USP42: variants seen among roughly 807,000 people sequenced by gnomAD.
USP42 encodes the protein ubiquitin carboxyl-terminal hydrolase 42.
Under a neutral mutation model 113.0 loss-of-function variants are expected in USP42, and 23 were observed. The observed-to-expected ratio is 0.20, with a 90% CI of 0.15 to 0.29. The LOEUF (loss-of-function observed/expected upper bound fraction) is 0.29, where lower values mean the gene tolerates loss of function less well. USP42 is among the 10% of genes least tolerant of loss of function. The pLI is 1.00. For synonymous variants in USP42, 933 were observed against 699.0 expected (o/e 1.33, Z -5.28); for missense variants, 2,174 against 1,779.8 (o/e 1.22, Z -3.99).
At chr7:6,102,983 G>A (rs1790174322), upstream of USP42, among the ~76,000 whole-genome samples, 1 of 150,978 alleles carries the variant, frequency 6.6e-6, no homozygotes, top group Non-Finnish European at 1.5e-5. Flanking sequence ...CCGCTGGGGA[G>A]GCCAGGTAAA....
At chr7:6,115,954 T>G (rs1779887904) in intron 3 of USP42, among the ~76,000 whole-genome samples, 2 of 151,776 alleles carry the variant, frequency 1.3e-5, no homozygotes, top group South Asian at 4.2e-4. Flanking sequence ...AAAATAAAAA[T>G]TAGTCTAGCA....
Position 6,158,392 on chromosome 7 carries a change from G to T in USP42, c.3944-1058G>T, listed in dbSNP as rs749056836. On this transcript the variant is annotated intron_variant, in intron 16 of 17. Transcript: ENST00000306177. This position sits in a 1 kb window ranked among gnomAD's most constrained non-coding sequence, Gnocchi z 4.2. ...GTGAAGCGCATCCCCTCCTCCCAGG[G>T]GCTTTTGACGAATCTTCAGGGCTGC... Among the ~76,000 whole-genome samples the T allele has an allele frequency of 2.4e-4, 37 of 152,348 alleles. No individual in the cohort carries two copies. Among genetic ancestry groups the T allele is most frequent in the Non-Finnish European group, 4.7e-4 (32 of 68,032 alleles).
At position 6,119,936 on chromosome 7, in the gene USP42, A is replaced by C. The variant is rs559995902; in HGVS notation, c.442+4413A>C. ...AGGCTGGTCTTGAACTCCTACGCTT[A>C]AGCGGTTCTCTTGCCTCAGCCTTTT... is the stretch of plus-strand genomic sequence containing the variant. On this transcript the variant is annotated intron_variant, in intron 3 of 17. Transcript: ENST00000306177. Among the ~76,000 whole-genome samples the C allele has an allele frequency of 2.6e-5, 4 of 152,244 alleles. No homozygotes were observed. The South Asian group carries it at 8.3e-4, about 32-fold the overall frequency.
At chr7:6,104,418 G>A (rs1325461600), upstream of USP42, among the ~76,000 whole-genome samples, 1 of 152,220 alleles carries the variant, frequency 6.6e-6, no homozygotes, top group East Asian at 1.9e-4. Flanking sequence ...TAAAGGCTGC[G>A]TCCGCTAGGC....
the USP42 span, among the ~76,000 whole-genome samples, chr7:6,096,882 C>G: frequency 6.6e-6 from 1 of 150,944 alleles, no homozygotes; most frequent in Non-Finnish European, 1.5e-5. Context: ...GCACTGCTAC[C>G]CAGTCTCTGA....
the USP42 span, among the ~76,000 whole-genome samples, chr7:6,097,837 G>C: frequency 2.0e-5 from 3 of 148,636 alleles, no homozygotes; most frequent in Non-Finnish European, 4.4e-5. Context: ...TGATCCGCCC[G>C]CCTCGGCCTC....
chr7:6,092,875 A>G, the USP42 span, among the ~76,000 whole-genome samples: 1 of 151,124 alleles, frequency 6.6e-6, no homozygotes, highest in Admixed American at 6.6e-5. Context: ...GTGTGCAGGG[A>G]AGTGGTGTTA....
chr7:6,091,978 T>TTTCTTCTTCTTCTTCTTCTTCTTCTTC, the USP42 span, among the ~76,000 whole-genome samples: 1 of 67,866 alleles, frequency 1.5e-5, no homozygotes, highest in Admixed American at 1.6e-4. Context: ...GGACGTATTT[T>TTTCTTCTTCTTCTTCTTCTTCTTCTTC]TTCTTCTTCT....
At chr7:6,145,342 A>G (rs1583659976) in intron 9 of USP42, among the ~76,000 whole-genome samples, 174 bp from the exon 10 acceptor site, 1 of 152,038 alleles carries the variant, frequency 6.6e-6, no homozygotes, top group African/African-American at 2.4e-5. Flanking sequence ...AAAAAAAAAA[A>G]AAGATGGCTA....
the USP42 span, among the ~76,000 whole-genome samples, chr7:6,087,002 A>G: frequency 6.7e-6 from 1 of 149,030 alleles, no homozygotes; most frequent in Non-Finnish European, 1.5e-5. Flanking sequence ...AGCTGGGATT[A>G]CAGATGTGAG....
At chr7:6,102,252 T>C (rs1790149628), upstream of USP42, among the ~76,000 whole-genome samples, 1 of 149,138 alleles carries the variant, frequency 6.7e-6, no homozygotes, top group African/African-American at 2.5e-5. Flanking sequence ...GTAGCTGGGA[T>C]TACAGGTGCC....
At chr7:6,096,698 C>T in the USP42 span, among the ~76,000 whole-genome samples, 1 of 151,164 alleles carries the variant, frequency 6.6e-6, no homozygotes, top group Admixed American at 6.6e-5. Context: ...TTCCTATAAT[C>T]CCTGGAGATC....
chr7:6,133,127 T>G (rs1380480728), intron 3 of USP42, among the ~76,000 whole-genome samples: 1 of 152,238 alleles, frequency 6.6e-6, no homozygotes, highest in African/African-American at 2.4e-5. Context: ...CAACTTTCAG[T>G]GACTTTTGAA....
Position 6,157,094 on chromosome 7 carries a change from T to C in USP42, c.3943+39T>C. Reference sequence around the variant, plus strand: ...CTTGGAATTAGGAAGATAGAAACTATTTCTTAATACATTTTCTTTGCAAAG... The same window carrying C: ...CTTGGAATTAGGAAGATAGAAACTACTTCTTAATACATTTTCTTTGCAAAG... On this transcript the variant is annotated intron_variant, in intron 16 of 17. Transcript: ENST00000306177. This position sits in a 1 kb window ranked among gnomAD's most constrained non-coding sequence, Gnocchi z 4.1. The C allele has an allele frequency of 2.6e-6, 4 of 1,519,478 alleles. No individual in the cohort carries two copies. The highest frequency in any genetic ancestry group is 3.5e-6 in the Non-Finnish European group (4 of 1,138,804). The allele number at this position is 1,519,478 out of a possible 1,614,324, so 94.1% of individuals were successfully genotyped here.
rs752157155 is a variant in USP42 at position 6,154,100 on chromosome 7, C to T, written c.2546C>T (p.Ala849Val). ...IAEGPRDSALAEAPEGLSPAP... is the reference protein window; with the variant it reads ...IAEGPRDSALVEAPEGLSPAP... ...GAGGGCCCGCGGGACTCGGCGTTGG[C>T]GGAAGCCCCGGAAGGGTTGAGTCCG... is the stretch of plus-strand genomic sequence containing the variant. Residue 849 changes from alanine (A) to valine (V), a missense_variant, in exon 15 of 18, where the codon GCG becomes GTG. Ala to Val is a moderately conservative substitution (Grantham distance 64). Transcript: ENST00000306177. The T allele has an allele frequency of 1.6e-5, 26 of 1,603,470 alleles. No individual in the cohort carries two copies. The highest frequency in any genetic ancestry group is 1.6e-4 in the Middle Eastern group (1 of 6,066).
intron 14 of USP42, 21 bp from the exon 15 acceptor site, chr7:6,153,735 T>G (rs1400988197): frequency 2.8e-5 from 40 of 1,428,804 alleles, no homozygotes; most frequent in Middle Eastern, 2.6e-4. Context: ...ACGGGCGTGT[T>G]TGTTTGTTTG....
chr7:6,150,122 A>G lies in USP42; in HGVS notation c.1926A>G (p.Glu642=), dbSNP rs757708536. The stretch of plus-strand genomic sequence containing the variant: ...CCCACTCTCCCGGCCAAGATGCCGA[A>G]GATGAGGAGGCCACTCCGCACGAGC... ...VSSHSPGQDA[E]DEEATPHELQ... The change falls in exon 13 of 18, where the codon GAA becomes GAG. Residue 642 remains glutamate, a synonymous_variant. Coordinates refer to ENST00000306177, the MANE Select transcript of USP42 (RefSeq NM_032172.3). The G allele has an allele frequency of 6.2e-7, 1 of 1,613,088 alleles. No homozygotes were observed. Among genetic ancestry groups the G allele is most frequent in the South Asian group, 1.1e-5 (1 of 90,916 alleles).
At chr7:6,155,233 C>A in intron 15 of USP42, 38 bp downstream of exon 15, 2 of 1,488,128 alleles carry the variant, frequency 1.3e-6, no homozygotes, top group South Asian at 1.3e-5. Context: ...GGCGCTGGCG[C>A]TGCTGTCAGC....
At chr7:6,093,943 T>C in the USP42 span, among the ~76,000 whole-genome samples, 2 of 150,884 alleles carry the variant, frequency 1.3e-5, no homozygotes, top group Non-Finnish European at 2.9e-5. Flanking sequence ...CAGGCTGGAG[T>C]GCATGGCGCG....
Sources: allele counts gnomAD v4.1 joint callset (sites outside exome capture counted in the v4.1 genomes callset), GRCh38; gene constraint gnomAD v4.1.1; non-coding constraint Gnocchi (gnomAD v3.1); transcripts MANE v1.5; gene names NCBI Gene and HGNC (gene_info 2026-07-23, HGNC 2026-07-21).